The following SIPA1 variants were observed in gnomAD, a reference collection of about 807,000 sequenced individuals.
SIPA1 encodes signal-induced proliferation-associated protein 1.
A neutral mutation model predicts 88.1 loss-of-function variants in SIPA1; 51 were observed. The observed-to-expected ratio is 0.58, with a 90% CI of 0.46 to 0.73. SIPA1 has a LOEUF of 0.73. Ranked by LOEUF, SIPA1 falls within the 30% of genes least tolerant of loss-of-function variation. The pLI, the probability that SIPA1 is intolerant of heterozygous loss-of-function variation, is 0.00. For synonymous variants in SIPA1, 681 were observed against 664.8 expected (o/e 1.02, Z -0.37); for missense variants, 1,348 against 1,467.6 (o/e 0.92, Z 1.33).
chr11:65,649,349 G>A lies in SIPA1; in HGVS notation c.2394G>A (p.Val798=), dbSNP rs755839592. 3.2e-6 allele frequency: 5 copies of A among 1,562,508 alleles called. No homozygotes were observed. In the South Asian group the frequency reaches 5.9e-5, roughly 18 times the overall value. Residue 798 remains valine (V), a synonymous_variant, in exon 10 of 16, where the codon GTG becomes GTA. Transcript: ENST00000534313. ...PDPVQDEVQG[V]TLLPTTKQLL... is the part of the protein sequence containing the mutation. Reference sequence around the variant, plus strand: ...CTGTGCAGGATGAGGTCCAGGGGGTGACCCTGCTGCCCACCACAAAGCAGC... The same window carrying A: ...CTGTGCAGGATGAGGTCCAGGGGGTAACCCTGCTGCCCACCACAAAGCAGC...
At chr11:65,644,933 G>T in intron 4 of SIPA1, 22 bp from the exon 5 acceptor site, 1 of 1,604,000 alleles carries the variant, frequency 6.2e-7, no homozygotes, top group Non-Finnish European at 8.5e-7. Flanking sequence ...TGAGACCTAT[G>T]CCTTCTGTCT....
intron 1 of SIPA1, chr11:65,639,167 G>C (rs1254629886): frequency 6.6e-6 from 1 of 152,460 alleles, no homozygotes; most frequent in East Asian, 1.9e-4. Flanking sequence ...GGAGTTCAGT[G>C]GCGCGATCTC....
chr11:65,638,357 C>T (rs895623532), intron 1 of SIPA1, 175 bp downstream of exon 1: 1 of 151,732 alleles, frequency 6.6e-6, no homozygotes, highest in Non-Finnish European at 1.5e-5. Context: ...TATGTCCAGC[C>T]CCCTGTCTCT....
In SIPA1 at chr11:65,649,790, A is replaced by G; in HGVS notation, c.2671A>G (p.Lys891Glu). The stretch of plus-strand genomic sequence containing the variant: ...AGGCAGTCCCAGTGGCTCTGAGGAC[A>G]AGGGCAACCCGGCGCCGGAGCTGAG... Reference protein sequence around the residue: ...RPGSPSGSEDKGNPAPELRAS... With the variant: ...RPGSPSGSEDEGNPAPELRAS... The change falls in exon 12 of 16, where the codon AAG becomes GAG. Residue 891 changes from lysine to glutamate, a missense_variant. This residue lies in a region of SIPA1 where 615 missense variants were observed against 559.8 expected (regional missense o/e 1.10). Transcript: ENST00000534313. 6.2e-7 allele frequency: 1 copy of G among 1,614,070 alleles called. No homozygotes were observed. The highest frequency in any genetic ancestry group is 8.5e-7 in the Non-Finnish European group (1 of 1,180,026).
Position 65,645,942 on chromosome 11 carries a change from T to TA in SIPA1, c.1250dup (p.Asn417LysfsTer2). The TA allele has an allele frequency of 6.2e-7, 1 of 1,611,866 alleles. No homozygotes were observed. Among genetic ancestry groups the TA allele is most frequent in the Non-Finnish European group, 8.5e-7 (1 of 1,178,704 alleles). ...TGTCCACGATGCTGCCTTACACCCC[T>TA]AATAACCAGCAGCAGGTGTGAGGGG... On this transcript the variant is annotated frameshift_variant, in exon 6 of 16. Transcript: ENST00000534313. LOFTEE classifies it high-confidence loss of function.
rs756781327 is a variant in SIPA1, at chr11:65,649,666, G to C, written c.2631G>C (p.Leu877=). Residue 877 remains leucine, a synonymous_variant, in exon 11 of 16, where the codon CTG becomes CTC. Coordinates refer to ENST00000534313, the MANE Select transcript of SIPA1 (RefSeq NM_006747.4). ...SVPSADSETP[L]TQDRPGSPSG... ...CCAGTGCTGACAGTGAGACACCCCT[G>C]ACCCAGGTGAGCAGAAACCAGGCTC... 4 of 1,614,064 alleles carry C rather than the reference G, an allele frequency of 2.5e-6. No individual in the cohort carries two copies. In the Admixed American group the frequency reaches 5.0e-5, roughly 20 times the overall value.
At position 65,650,674 on chromosome 11, in the gene SIPA1, G is replaced by C; in HGVS notation, c.3088G>C (p.Ala1030Pro). Residue 1030 changes from alanine to proline, a missense_variant, in exon 16 of 16, where the codon GCC becomes CCC. Ala to Pro is a conservative substitution (Grantham distance 27). Transcript: ENST00000534313. ...SESAATRLLL[A>P]SKQLGSPTAD... ...GAGTGCAGCCACACGCCTCCTCCTG[G>C]CCTCCAAGCAGCTGGGCTCACCCAC... 6.3e-7 allele frequency: 1 copy of C among 1,578,902 alleles called. No homozygotes were observed. The highest frequency in any genetic ancestry group is 8.6e-7 in the Non-Finnish European group (1 of 1,162,316).
At position 65,646,969 on chromosome 11, in the gene SIPA1, G is replaced by A; in HGVS notation, c.1935G>A (p.Gln645=). Reference sequence around the variant, plus strand: ...TGCTGGCCTGGACCTTCTCCGAGCAGCAGCTGGACCTGTACCACGGCCGCG... The same window carrying A: ...TGCTGGCCTGGACCTTCTCCGAGCAACAGCTGGACCTGTACCACGGCCGCG... The part of the protein sequence containing the change: ...RDVLAWTFSE[Q]QLDLYHGRGE... Residue 645 remains glutamine (Q), a synonymous_variant, in exon 8 of 16, where the codon CAG becomes CAA. Coordinates refer to ENST00000534313, the MANE Select transcript of SIPA1 (RefSeq NM_006747.4). The surrounding 1 kb of genome is among the most constrained non-coding windows in gnomAD (Gnocchi z 7.5). 6.5e-7 allele frequency: 1 copy of A among 1,540,316 alleles called. No individual in the cohort carries two copies. Among genetic ancestry groups the A allele is most frequent in the South Asian group, 1.2e-5 (1 of 84,248 alleles).
In SIPA1 at chr11:65,649,812, T is replaced by C. The variant is rs1405495273; in HGVS notation, c.2693T>C (p.Leu898Pro). 6.2e-7 allele frequency: 1 copy of C among 1,614,082 alleles called. No homozygotes were observed. Among genetic ancestry groups the C allele is most frequent in the East Asian group, 2.2e-5 (1 of 44,880 alleles). Residue 898 changes from leucine (L) to proline (P), a missense_variant, in exon 12 of 16, where the codon CTG becomes CCG. Physicochemically the swap from Leu to Pro is moderately conservative, Grantham distance 98. Coordinates refer to ENST00000534313, the MANE Select transcript of SIPA1 (RefSeq NM_006747.4). The part of the protein sequence containing the change: ...SEDKGNPAPE[L>P]RASFLPRTLS... ...GACAAGGGCAACCCGGCGCCGGAGC[T>C]GAGGGCCTCCTTTCTGCCACGTACC...
Position 65,642,549 on chromosome 11 carries a change from C to G in SIPA1, c.894C>G (p.His298Gln). The G allele has an allele frequency of 6.2e-7, 1 of 1,604,498 alleles. No homozygotes were observed. Among genetic ancestry groups the G allele is most frequent in the Non-Finnish European group, 8.5e-7 (1 of 1,178,716 alleles). Residue 298 changes from histidine to glutamine, a missense_variant, in exon 4 of 16, where the codon CAC (histidine) becomes CAG (glutamine). His to Gln is a conservative substitution (Grantham distance 24). This residue lies in a region of SIPA1 where 641 missense variants were observed against 797.7 expected (regional missense o/e 0.80). Coordinates refer to ENST00000534313, the MANE Select transcript of SIPA1 (RefSeq NM_006747.4). This position sits in a 1 kb window ranked among gnomAD's most constrained non-coding sequence, Gnocchi z 6.5. ...RGLSPRKLLE[H>Q]VAPQLSPSCL... Reference sequence around the variant, plus strand: ...TGTCCCCAAGGAAACTTCTGGAGCACGTGGCGCCGCAGCTGAGCCCCAGCT... The same window carrying G: ...TGTCCCCAAGGAAACTTCTGGAGCAGGTGGCGCCGCAGCTGAGCCCCAGCT...
At position 65,649,817 on chromosome 11, in the gene SIPA1, GCCT is replaced by G. The variant is rs1856223071; in HGVS notation, c.2702_2704del (p.Ser901del). 2 of 1,614,122 alleles carry G rather than the reference GCCT, an allele frequency of 1.2e-6. No individual in the cohort carries two copies. The highest frequency in any genetic ancestry group is 1.3e-5 in the African/African-American group (1 of 75,048). ...GGGCAACCCGGCGCCGGAGCTGAGG[GCCT>G]CCTTTCTGCCACGTACCTTGTCTCT... On this transcript the variant is annotated inframe_deletion, in exon 12 of 16. Coordinates refer to ENST00000534313, the MANE Select transcript of SIPA1 (RefSeq NM_006747.4).
chr11:65,647,004 T>C lies in SIPA1; in HGVS notation c.1970T>C (p.Ile657Thr), dbSNP rs1264582598. The change falls in exon 8 of 16, where the codon ATC (isoleucine) becomes ACC (threonine). Residue 657 changes from isoleucine to threonine, a missense_variant. Physicochemically the swap from Ile to Thr is moderately conservative, Grantham distance 89 (BLOSUM62 -1). Transcript: ENST00000534313. The stretch of plus-strand genomic sequence containing the variant: ...CTGTACCACGGCCGCGGGGAGGCGA[T>C]CACGCTGCGCTTCGACGGGTCCCCC... The part of the protein sequence containing the change: ...LDLYHGRGEA[I>T]TLRFDGSPGQ... 1 of 1,540,724 alleles carries C rather than the reference T, an allele frequency of 6.5e-7. No homozygotes were observed. Among genetic ancestry groups the C allele is most frequent in the Admixed American group, 2.0e-5 (1 of 51,194 alleles).
chr11:65,647,567 C>T lies in SIPA1; in HGVS notation c.2215C>T (p.Leu739Phe). 4 of 1,335,482 alleles carry T rather than the reference C, an allele frequency of 3.0e-6. No homozygotes were observed. The highest frequency in any genetic ancestry group is 3.8e-6 in the Non-Finnish European group (4 of 1,045,396). 82.7% of individuals were successfully genotyped at this position (1,335,482 alleles called of 1,614,324 possible). Residue 739 changes from leucine (L) to phenylalanine (F), a missense_variant, in exon 9 of 16, where the codon CTC (leucine) becomes TTC (phenylalanine). By Grantham distance (22) the Leu-to-Phe change is conservative. This residue lies in a region of SIPA1 where 615 missense variants were observed against 559.8 expected (regional missense o/e 1.10). Coordinates refer to ENST00000534313, the MANE Select transcript of SIPA1 (RefSeq NM_006747.4). ...LRVCGQTLPSLRPEAAAQLLR... is the reference protein window; with the variant it reads ...LRVCGQTLPSFRPEAAAQLLR... ...CGTGTGCGGCCAGACTCTGCCCAGC[C>T]TCCGGCCCGAGGCCGCTGCCCAGCT...
chr11:65,647,769 T>A, intron 9 of SIPA1, 111 bp downstream of exon 9: 1 of 858,344 alleles, frequency 1.2e-6, no homozygotes, highest in Non-Finnish European at 1.5e-6. Flanking sequence ...TGGATACCTT[T>A]CCTTCTGGAA....
At chr11:65,649,902 G>C (rs1565184067) in intron 12 of SIPA1, 37 bp downstream of exon 12, 1 of 1,613,434 alleles carries the variant, frequency 6.2e-7, no homozygotes, top group Admixed American at 1.7e-5. Context: ...GAGGGGTTGG[G>C]GGGTGCTCCT....
rs1856242226 is a variant in SIPA1 at position 65,650,434 on chromosome 11, T to C, written c.2937T>C (p.Ser979=). 6.2e-7 allele frequency: 1 copy of C among 1,613,992 alleles called. No homozygotes were observed. Among genetic ancestry groups the C allele is most frequent in the Non-Finnish European group, 8.5e-7 (1 of 1,180,020 alleles). Reference sequence around the variant, plus strand: ...CTGGGAACCTCTCAGAGAAGGTCTCTCACTTGGAGTCCATGCTCAGGAAGC... The same window carrying C: ...CTGGGAACCTCTCAGAGAAGGTCTCCCACTTGGAGTCCATGCTCAGGAAGC... The part of the protein sequence containing the change: ...PEPGNLSEKV[S]HLESMLRKLQ... Residue 979 remains serine (S), a synonymous_variant, in exon 15 of 16, where the codon TCT becomes TCC. Coordinates refer to ENST00000534313, the MANE Select transcript of SIPA1 (RefSeq NM_006747.4).
chr11:65,646,418 A>G lies in SIPA1; in HGVS notation c.1422-38A>G. The stretch of plus-strand genomic sequence containing the variant: ...GGTCCCAGGTCTCCCGTGGGCATGG[A>G]GTCCTGCCGCCCCTCACTAACGCCT... On this transcript the variant is annotated intron_variant, in intron 7 of 15. Transcript: ENST00000534313. This position sits in a 1 kb window ranked among gnomAD's most constrained non-coding sequence, Gnocchi z 7.5. 6.3e-7 allele frequency: 1 copy of G among 1,598,810 alleles called. No individual in the cohort carries two copies. The highest frequency in any genetic ancestry group is 8.5e-7 in the Non-Finnish European group (1 of 1,176,190).
intron 9 of SIPA1, 52 bp downstream of exon 9, chr11:65,647,710 C>A (rs1280951383): frequency 2.3e-6 from 3 of 1,281,520 alleles, no homozygotes; most frequent in South Asian, 3.8e-5. Context: ...TTGGCCACCG[C>A]GCAGTCTGCG....
chr11:65,643,029 C>T (rs1856040912), intron 4 of SIPA1, among the ~76,000 whole-genome samples: 1 of 152,098 alleles, frequency 6.6e-6, no homozygotes, highest in South Asian at 2.1e-4. Flanking sequence ...GATTCTCCTG[C>T]CTCAGCCTCC....
Sources: allele counts gnomAD v4.1 joint callset (sites outside exome capture counted in the v4.1 genomes callset), GRCh38; gene constraint gnomAD v4.1.1; regional missense constraint gnomAD v4.1.1; non-coding constraint Gnocchi (gnomAD v3.1); transcripts MANE v1.5; gene names NCBI Gene and HGNC (gene_info 2026-07-23, HGNC 2026-07-21).